The following LUZP2 variants were observed in gnomAD, a reference collection of about 807,000 sequenced individuals.
LUZP2 encodes the protein leucine zipper protein 2.
LUZP2 carries 52 observed loss-of-function variants against 51.6 expected under a neutral mutation model. That is an observed-to-expected ratio of 1.01 (90% CI 0.81 to 1.27). The LOEUF is 1.27. Ranked by LOEUF, LUZP2 falls within the 50% of genes most tolerant of loss-of-function variation. LUZP2 has a pLI of 0.00. For missense variants in LUZP2, 436 were observed against 395.4 expected (o/e 1.10, Z -0.87); for synonymous variants, 154 against 137.3 (o/e 1.12, Z -0.85).
intron 1 of LUZP2, among the ~76,000 whole-genome samples, chr11:24,599,757 CTGAGA>C (rs1853558593): frequency 1.3e-5 from 2 of 152,028 alleles, no homozygotes; most frequent in Admixed American, 6.6e-5. Flanking sequence ...CTGAGATATA[CTGAGA>C]TATTTGTTAA....
chr11:24,738,572 G>A (rs1859025239), intron 4 of LUZP2, among the ~76,000 whole-genome samples: 1 of 152,008 alleles, frequency 6.6e-6, no homozygotes, highest in Non-Finnish European at 1.5e-5. Flanking sequence ...AAGAGTTCTG[G>A]TGTCAGGGCT....
chr11:24,900,907 C>T (rs1007755423), intron 5 of LUZP2, among the ~76,000 whole-genome samples: 2 of 152,154 alleles, frequency 1.3e-5, no homozygotes, highest in Admixed American at 1.3e-4. Context: ...AAGATTTTCC[C>T]TTTAACAGCT....
intron 5 of LUZP2, among the ~76,000 whole-genome samples, chr11:24,878,054 G>T (rs1014914648): frequency 6.8e-6 from 1 of 148,052 alleles, no homozygotes; most frequent in Non-Finnish European, 1.5e-5. Context: ...TTCCTACTTG[G>T]TAAGAGTAAC....
At chr11:24,651,417 A>G (rs1189305483) in intron 1 of LUZP2, among the ~76,000 whole-genome samples, 2 of 152,060 alleles carry the variant, frequency 1.3e-5, no homozygotes, top group African/African-American at 4.8e-5. Flanking sequence ...CAGAAACCAA[A>G]ACAATACTTA....
chr11:24,959,423 T>C (rs1855324256), intron 7 of LUZP2, among the ~76,000 whole-genome samples: 1 of 152,172 alleles, frequency 6.6e-6, no homozygotes, highest in Admixed American at 6.5e-5. Context: ...TATCCTCTTT[T>C]ATTTCCTTGA....
intron 5 of LUZP2, among the ~76,000 whole-genome samples, chr11:24,904,224 AT>A (rs1011799935): frequency 2.0e-5 from 3 of 152,034 alleles, no homozygotes; most frequent in African/African-American, 7.2e-5. Flanking sequence ...AATGTTTAAC[AT>A]TTTTAGTATA....
chr11:24,678,249 T>C (rs1856631202), intron 1 of LUZP2, among the ~76,000 whole-genome samples: 1 of 152,062 alleles, frequency 6.6e-6, no homozygotes, highest in East Asian at 1.9e-4. Context: ...ATTCAATACG[T>C]TTTTGTATTA....
At chr11:24,945,168 C>T (rs1854864347) in intron 7 of LUZP2, among the ~76,000 whole-genome samples, 1 of 152,138 alleles carries the variant, frequency 6.6e-6, no homozygotes, top group South Asian at 2.1e-4. Context: ...AATTGGATGT[C>T]AAAATGCATC....
intron 9 of LUZP2, among the ~76,000 whole-genome samples, chr11:25,049,754 A>G (rs1858432567): frequency 6.6e-6 from 1 of 152,072 alleles, no homozygotes; most frequent in African/African-American, 2.4e-5. Flanking sequence ...AAATCTTACC[A>G]TGGAAGAAAT....
intron 1 of LUZP2, among the ~76,000 whole-genome samples, chr11:24,532,489 G>C (rs563352304): frequency 2.3e-4 from 34 of 151,070 alleles, no homozygotes; most frequent in African/African-American, 7.7e-4. Context: ...ATGATCCTAA[G>C]AACCATCTCA....
chr11:24,926,370 TATAC>T (rs1854252599), intron 7 of LUZP2, among the ~76,000 whole-genome samples: 1 of 55,888 alleles, frequency 1.8e-5, no homozygotes, highest in Non-Finnish European at 3.5e-5. Flanking sequence ...TGTATATATA[TATAC>T]GTGTGTATAT....
intron 10 of LUZP2, among the ~76,000 whole-genome samples, chr11:25,067,765 T>C (rs1486993526): frequency 6.6e-6 from 1 of 152,002 alleles, no homozygotes; most frequent in Non-Finnish European, 1.5e-5. Context: ...AGTGTGGAGA[T>C]TCCTCAAGGA....
At chr11:24,990,707 G>A (rs893087413) in intron 9 of LUZP2, among the ~76,000 whole-genome samples, 4 of 152,024 alleles carry the variant, frequency 2.6e-5, no homozygotes, top group Middle Eastern at 3.4e-3. Flanking sequence ...CAACCTGAGA[G>A]TTCAAGATTT....
intron 5 of LUZP2, among the ~76,000 whole-genome samples, chr11:24,799,730 A>G (rs1283645559): frequency 1.3e-5 from 2 of 152,212 alleles, no homozygotes; most frequent in Non-Finnish European, 2.9e-5. Context: ...AAAGGTGATA[A>G]ATAATTATAG....
intron 1 of LUZP2, among the ~76,000 whole-genome samples, chr11:24,577,992 CTTT>C (rs1447426009): frequency 1.3e-5 from 2 of 152,104 alleles, no homozygotes; most frequent in African/African-American, 4.8e-5. Context: ...TTCTGTACTT[CTTT>C]GTTTCTAAGA....
intron 1 of LUZP2, among the ~76,000 whole-genome samples, chr11:24,524,651 C>T (rs1345194545): frequency 6.6e-6 from 1 of 151,642 alleles, no homozygotes; most frequent in Non-Finnish European, 1.5e-5. Flanking sequence ...ACCAATAGTA[C>T]AGTTCTAACA....
At chr11:24,596,368 A>G (rs531218534) in intron 1 of LUZP2, among the ~76,000 whole-genome samples, 4 of 152,242 alleles carry the variant, frequency 2.6e-5, no homozygotes, top group African/African-American at 2.4e-5. Context: ...GCTGCTGAAG[A>G]TAGGTAAAAT....
At chr11:24,543,710 A>G (rs1851450210) in intron 1 of LUZP2, among the ~76,000 whole-genome samples, 1 of 150,422 alleles carries the variant, frequency 6.6e-6, no homozygotes, top group African/African-American at 2.4e-5. Context: ...AATCCCAGCT[A>G]CTCAGGAAGC....
chr11:24,503,312 G>C (rs888794994), intron 1 of LUZP2, among the ~76,000 whole-genome samples: 4 of 152,134 alleles, frequency 2.6e-5, no homozygotes, highest in Non-Finnish European at 5.9e-5. Context: ...GAACTGAGTG[G>C]ATCATAGAAA....
Sources: gnomAD v4.1 joint callset for allele counts (sites outside exome capture counted in the v4.1 genomes callset) on GRCh38, gnomAD v4.1.1 for gene constraint, MANE v1.5 for transcripts, NCBI Gene and HGNC (gene_info 2026-07-23, HGNC 2026-07-21) for gene names.